The following ERBB4 variants were observed in gnomAD, a reference collection of about 807,000 sequenced individuals.
ERBB4 encodes receptor tyrosine-protein kinase erbB-4.
ERBB4 carries 42 observed loss-of-function variants against 158.0 expected under a neutral mutation model. That is an observed-to-expected ratio of 0.27 (90% CI 0.21 to 0.34). The LOEUF (loss-of-function observed/expected upper bound fraction) is 0.34, where lower values mean the gene tolerates loss of function less well. Among genes scored for constraint, ERBB4 ranks in the 10% least tolerant of loss-of-function variants. ERBB4 has a pLI of 1.00. For synonymous variants in ERBB4, 583 were observed against 558.7 expected (o/e 1.04, Z -0.61); for missense variants, 1,333 against 1,624.1 (o/e 0.82, Z 3.08).
At chr2:211,894,481 C>T (rs1172598481) in intron 3 of ERBB4, among the ~76,000 whole-genome samples, 1 of 149,704 alleles carries the variant, frequency 6.7e-6, no homozygotes, top group Non-Finnish European at 1.5e-5. Flanking sequence ...TTAGTGGGTG[C>T]AGCGCACCAG....
intron 20 of ERBB4, among the ~76,000 whole-genome samples, chr2:211,479,537 A>G (rs1433086248): frequency 1.3e-5 from 2 of 152,192 alleles, no homozygotes; most frequent in Admixed American, 1.3e-4. Context: ...AGCACAAAGC[A>G]TGGTGTCTTA....
Position 211,862,994 on chromosome 2 carries a change from T to C in ERBB4, c.422-74835A>G, listed in dbSNP as rs370878411. 2.6e-5 allele frequency among the ~76,000 whole-genome samples: 4 copies of C among 151,996 alleles called. No individual in the cohort carries two copies. The East Asian group carries it at 5.8e-4, about 22-fold the overall frequency. ...CACTCTGCGTCTAGCTAAAGGATTG[T>C]AAATGCACCATTCAGCACTCTGTCT... is the stretch of plus-strand genomic sequence containing the variant. On this transcript the variant is annotated intron_variant, in intron 3 of 27. Transcript: ENST00000342788.
intron 1 of ERBB4, among the ~76,000 whole-genome samples, chr2:212,519,326 A>T (rs1444510238): frequency 6.6e-6 from 1 of 152,070 alleles, no homozygotes; most frequent in Non-Finnish European, 1.5e-5. Context: ...TTTATGTAAT[A>T]TAAATACACT....
At chr2:211,550,933 T>A (rs1250679844) in intron 20 of ERBB4, among the ~76,000 whole-genome samples, 1 of 150,150 alleles carries the variant, frequency 6.7e-6, no homozygotes, top group Non-Finnish European at 1.5e-5. Context: ...CATTATTAGG[T>A]TCCCCCCGAC....
intron 1 of ERBB4, among the ~76,000 whole-genome samples, chr2:212,385,108 C>T (rs548156059): frequency 6.6e-6 from 1 of 151,622 alleles, no homozygotes; most frequent in Admixed American, 6.6e-5. Flanking sequence ...CACTTTATTG[C>T]AAATAAACGG....
intron 20 of ERBB4, among the ~76,000 whole-genome samples, chr2:211,525,211 A>C (rs1034627754): frequency 6.6e-6 from 1 of 152,166 alleles, no homozygotes; most frequent in African/African-American, 2.4e-5. Context: ...CAGCCAGGGC[A>C]GCTAAGGAAG....
At chr2:212,369,781 A>C (rs960876115) in intron 1 of ERBB4, among the ~76,000 whole-genome samples, 1 of 151,966 alleles carries the variant, frequency 6.6e-6, no homozygotes, top group African/African-American at 2.4e-5. Context: ...CAGCCTGGAA[A>C]TTGTGGGCTC....
intron 20 of ERBB4, among the ~76,000 whole-genome samples, chr2:211,525,607 G>A (rs1456484916): frequency 6.6e-6 from 1 of 152,046 alleles, no homozygotes; most frequent in Non-Finnish European, 1.5e-5. Context: ...GCACCAGGTC[G>A]GCCACACACT....
intron 3 of ERBB4, among the ~76,000 whole-genome samples, chr2:211,929,515 T>C (rs754763913): frequency 3.0e-4 from 46 of 152,216 alleles, no homozygotes; most frequent in Non-Finnish European, 6.3e-4. Flanking sequence ...GTACATACAC[T>C]TCAGCCTGTG....
chr2:212,168,533 T>C (rs565580042), intron 1 of ERBB4, among the ~76,000 whole-genome samples: 2 of 152,240 alleles, frequency 1.3e-5, no homozygotes, highest in Admixed American at 1.3e-4. Flanking sequence ...TTCCAGATTC[T>C]TAAGGACCTT....
intron 1 of ERBB4, among the ~76,000 whole-genome samples, chr2:212,485,861 C>T (rs922148639): frequency 2.6e-5 from 4 of 151,932 alleles, no homozygotes; most frequent in Non-Finnish European, 4.4e-5. Context: ...CTCTCTGGGG[C>T]CTCTTTTATA....
chr2:211,565,638 A>T (rs2067523857), intron 19 of ERBB4, among the ~76,000 whole-genome samples: 1 of 152,162 alleles, frequency 6.6e-6, no homozygotes, highest in Non-Finnish European at 1.5e-5. Context: ...CTACTATTTT[A>T]CCGCTGTTGA....
chr2:211,739,108 A>C (rs1408814615), intron 5 of ERBB4, among the ~76,000 whole-genome samples: 1 of 152,194 alleles, frequency 6.6e-6, no homozygotes, highest in Non-Finnish European at 1.5e-5. Flanking sequence ...GGTCTATCTA[A>C]ATATAGACTA....
At chr2:211,535,589 ATGTG>A (rs10636668) in intron 20 of ERBB4, 24 of 144,838 alleles carry the variant, frequency 1.7e-4, no homozygotes, top group South Asian at 6.5e-4. Flanking sequence ...GAGAGAGTGT[ATGTG>A]TGTGTGTGTG....
chr2:211,780,529 C>T (rs2076008438), intron 4 of ERBB4, among the ~76,000 whole-genome samples: 1 of 151,952 alleles, frequency 6.6e-6, no homozygotes, highest in African/African-American at 2.4e-5. Context: ...AACTTAATTC[C>T]TAGAGTGAGT....
chr2:212,113,409 C>T (rs1246125033), intron 2 of ERBB4, among the ~76,000 whole-genome samples: 2 of 151,494 alleles, frequency 1.3e-5, no homozygotes, highest in Non-Finnish European at 2.9e-5. Context: ...CCCGTCTCTA[C>T]TAAAAATACA....
chr2:211,584,781 T>C (rs2068212899), intron 19 of ERBB4, among the ~76,000 whole-genome samples: 1 of 151,796 alleles, frequency 6.6e-6, no homozygotes, highest in Admixed American at 6.6e-5. Context: ...TATATGTATA[T>C]GTGTATATTT....
At chr2:211,754,563 C>T (rs1406028378) in intron 4 of ERBB4, among the ~76,000 whole-genome samples, 1 of 151,714 alleles carries the variant, frequency 6.6e-6, no homozygotes, top group Non-Finnish European at 1.5e-5. Context: ...ATACGCCCAG[C>T]TAGTTTTTGT....
intron 1 of ERBB4, among the ~76,000 whole-genome samples, chr2:212,158,639 T>C (rs951744815): frequency 6.6e-6 from 1 of 151,992 alleles, no homozygotes; most frequent in African/African-American, 2.4e-5. Context: ...TCTGGGCCAC[T>C]CACATCCCCA....
Sources: allele counts gnomAD v4.1 joint callset (sites outside exome capture counted in the v4.1 genomes callset), GRCh38; gene constraint gnomAD v4.1.1; transcripts MANE v1.5; gene names NCBI Gene and HGNC (gene_info 2026-07-23, HGNC 2026-07-21).